The following PDGFD variants were observed in gnomAD, a reference collection of about 807,000 sequenced individuals.
The protein encoded by PDGFD is platelet derived growth factor D.
PDGFD carries 30 observed loss-of-function variants against 44.7 expected under a neutral mutation model. That is an observed-to-expected ratio of 0.67 (90% CI 0.50 to 0.91). PDGFD has a LOEUF of 0.91. Ranked by LOEUF, PDGFD falls within the 40% of genes least tolerant of loss-of-function variation. The pLI is 0.00. For missense variants in PDGFD, 445 were observed against 457.8 expected, an observed-to-expected ratio of 0.97 and a Z score of 0.25; for synonymous variants, 173 against 168.4, an observed-to-expected ratio of 1.03 and a Z score of -0.21.
chr11:104,052,474 A>T (rs2134407427), intron 1 of PDGFD, among the ~76,000 whole-genome samples: 1 of 152,266 alleles, frequency 6.6e-6, no homozygotes, highest in Admixed American at 6.5e-5. Flanking sequence ...TTCACTAATG[A>T]GATATAGTAA....
rs114015392 is a variant in PDGFD, at chr11:104,143,963, C to T, written c.124+19841G>A. On this transcript the variant is annotated intron_variant, in intron 1 of 6. Coordinates refer to ENST00000393158, the MANE Select transcript of PDGFD (RefSeq NM_025208.5). Reference sequence around the variant, plus strand: ...TGCTTTTAGACATTAAAGAAAGCTTCGATTGGCAAGTCAGGAATGGATGTC... The same window carrying T: ...TGCTTTTAGACATTAAAGAAAGCTTTGATTGGCAAGTCAGGAATGGATGTC... 3.3e-3 allele frequency among the ~76,000 whole-genome samples: 499 copies of T among 151,198 alleles called. 1 individual carries two copies. The highest frequency in any genetic ancestry group is 0.012 in the African/African-American group (487 of 41,172).
intron 1 of PDGFD, among the ~76,000 whole-genome samples, chr11:104,007,446 A>G (rs915792237): frequency 6.6e-6 from 1 of 152,222 alleles, no homozygotes; most frequent in Non-Finnish European, 1.5e-5. Context: ...TTCTCATATC[A>G]TAATATTATA....
chr11:104,123,691 C>T (rs1472440988), intron 1 of PDGFD, among the ~76,000 whole-genome samples: 3 of 152,040 alleles, frequency 2.0e-5, no homozygotes, highest in African/African-American at 7.2e-5. Flanking sequence ...GCAAGGCTTA[C>T]AATTTTAATG....
chr11:103,939,768 T>A (rs1858554182), intron 5 of PDGFD, among the ~76,000 whole-genome samples: 1 of 152,094 alleles, frequency 6.6e-6, no homozygotes, highest in African/African-American at 2.4e-5. Context: ...AATACTGATT[T>A]TTAAAAAATT....
chr11:104,014,094 C>T (rs1321356241), intron 1 of PDGFD, among the ~76,000 whole-genome samples: 1 of 152,170 alleles, frequency 6.6e-6, no homozygotes, highest in Non-Finnish European at 1.5e-5. Flanking sequence ...TTAACAATGT[C>T]TCGCATGGGC....
chr11:103,943,349 C>T (rs1055775503), intron 5 of PDGFD, 103 bp downstream of exon 5: 6 of 1,173,418 alleles, frequency 5.1e-6, no homozygotes, highest in Non-Finnish European at 7.1e-6. Flanking sequence ...CATCCAAAAT[C>T]CAAAAGACTT....
intron 1 of PDGFD, among the ~76,000 whole-genome samples, chr11:104,032,592 T>C (rs1018670543): frequency 5.3e-5 from 8 of 152,036 alleles, no homozygotes; most frequent in African/African-American, 1.7e-4. Flanking sequence ...CAGCAAGAGA[T>C]AGTAGTTTAA....
intron 1 of PDGFD, among the ~76,000 whole-genome samples, chr11:104,103,328 C>A (rs1591165228): frequency 6.6e-6 from 1 of 151,660 alleles, no homozygotes; most frequent in Admixed American, 6.6e-5. Flanking sequence ...TTTCCTCAGT[C>A]TCCTCTGTAT....
chr11:104,009,429 C>CATTATTATT (rs58324746), intron 1 of PDGFD, among the ~76,000 whole-genome samples: 11,496 of 148,750 alleles, frequency 0.077, 495 homozygotes, highest in African/African-American at 0.12. Flanking sequence ...CTTGCAAATG[C>CATTATTATT]ATTATTATTA....
chr11:103,949,285 G>A (rs1858713657), intron 3 of PDGFD, among the ~76,000 whole-genome samples: 1 of 152,172 alleles, frequency 6.6e-6, no homozygotes, highest in Non-Finnish European at 1.5e-5. Context: ...TTACAGGCAT[G>A]AGCCACTGGG....
intron 3 of PDGFD, among the ~76,000 whole-genome samples, chr11:103,976,058 T>C (rs1320011749): frequency 6.6e-6 from 1 of 152,180 alleles, no homozygotes; most frequent in Non-Finnish European, 1.5e-5. Context: ...TTGATGGGAA[T>C]AGCATTGAAG....
In PDGFD at chr11:104,151,533, G is replaced by T. The variant is rs116466279; in HGVS notation, c.124+12271C>A. 6.6e-3 allele frequency among the ~76,000 whole-genome samples: 1,006 copies of T among 152,230 alleles called. 8 individuals carry two copies. The highest frequency in any genetic ancestry group is 0.023 in the African/African-American group (955 of 41,552). On this transcript the variant is annotated intron_variant, in intron 1 of 6. Coordinates refer to ENST00000393158, the MANE Select transcript of PDGFD (RefSeq NM_025208.5). ...GTTTAATTTACATTCCCAACAAAGA[G>T]AGAGGGAAAATAATACATCATGCTC...
At chr11:103,934,323 A>T (rs979864976) in intron 5 of PDGFD, among the ~76,000 whole-genome samples, 2 of 152,208 alleles carry the variant, frequency 1.3e-5, no homozygotes, top group African/African-American at 4.8e-5. Flanking sequence ...CAAAGAAGGA[A>T]GTTTAAATCA....
chr11:104,026,171 T>C (rs980242998), intron 1 of PDGFD, among the ~76,000 whole-genome samples: 1 of 152,210 alleles, frequency 6.6e-6, no homozygotes, highest in South Asian at 2.1e-4. Flanking sequence ...AAAGTGCCCA[T>C]ATGTGTGTTT....
At chr11:104,081,611 CA>C (rs1291862939) in intron 1 of PDGFD, among the ~76,000 whole-genome samples, 1 of 151,962 alleles carries the variant, frequency 6.6e-6, no homozygotes, top group Non-Finnish European at 1.5e-5. Context: ...TATAAACAGT[CA>C]AAAACAGTTC....
intron 1 of PDGFD, among the ~76,000 whole-genome samples, chr11:104,069,785 G>A (rs569382510): frequency 6.6e-6 from 1 of 152,214 alleles, no homozygotes; most frequent in Admixed American, 6.5e-5. Context: ...GCGTGAACCC[G>A]GGAGGCGGAG....
chr11:104,075,347 T>C (rs1312040758), intron 1 of PDGFD, among the ~76,000 whole-genome samples: 1 of 151,664 alleles, frequency 6.6e-6, no homozygotes, highest in Non-Finnish European at 1.5e-5. Flanking sequence ...ACAGGAAGTA[T>C]ATTTGAATTT....
intron 6 of PDGFD, among the ~76,000 whole-genome samples, chr11:103,925,675 C>CTG (rs1313275390): frequency 2.1e-4 from 20 of 97,356 alleles, no homozygotes; most frequent in South Asian, 1.9e-3. Context: ...GTGTGTGTGT[C>CTG]TGTGTATATA....
rs1565339049 is a variant in PDGFD at position 104,115,271 on chromosome 11, ATG to A, written c.124+48531_124+48532del. ...GTAGCATTCTATCATATATATATATATGTATGTATATACATATATATATGACT... is the reference window on the plus strand; with the variant it reads ...GTAGCATTCTATCATATATATATATATATGTATATACATATATATATGACT... On this transcript the variant is annotated intron_variant, in intron 1 of 6. Transcript: ENST00000393158. Among the ~76,000 whole-genome samples the A allele has an allele frequency of 2.0e-5, 3 of 148,348 alleles. No homozygotes were observed. The Admixed American group carries it at 2.0e-4, about 10-fold the overall frequency.
Sources: allele counts gnomAD v4.1 joint callset (sites outside exome capture counted in the v4.1 genomes callset), GRCh38; gene constraint gnomAD v4.1.1; transcripts MANE v1.5; gene names NCBI Gene and HGNC (gene_info 2026-07-23, HGNC 2026-07-21).